Variants in CEP112 observed in about 807,000 individuals in gnomAD.
CEP112 encodes centrosomal protein of 112 kDa.
Under a neutral mutation model 153.0 loss-of-function variants are expected in CEP112, and 127 were observed. The ratio of observed to expected loss-of-function variants is 0.83; its 90% CI spans 0.72 to 0.96. The LOEUF is 0.96. CEP112 is among the 40% of genes least tolerant of loss of function. CEP112 has a pLI of 0.00. For synonymous variants in CEP112, 358 were observed against 374.4 expected (o/e 0.96, Z 0.51); for missense variants, 1,089 against 1,101.2 (o/e 0.99, Z 0.16).
intron 16 of CEP112, among the ~76,000 whole-genome samples, chr17:66,023,794 C>T (rs1568392422): frequency 6.6e-6 from 1 of 151,998 alleles, no homozygotes; most frequent in East Asian, 1.9e-4. Flanking sequence ...TGAATATTAG[C>T]CTTGAATGCA....
chr17:66,026,790 C>T (rs1447339432), intron 16 of CEP112, among the ~76,000 whole-genome samples: 1 of 152,178 alleles, frequency 6.6e-6, no homozygotes. Context: ...TTACACATCA[C>T]TTCATTCACA....
chr17:65,952,686 G>A (rs755947108), intron 18 of CEP112, among the ~76,000 whole-genome samples: 1 of 152,092 alleles, frequency 6.6e-6, no homozygotes, highest in Non-Finnish European at 1.5e-5. Context: ...AAGAAAATTG[G>A]CAGTTTTCTA....
intron 22 of CEP112, among the ~76,000 whole-genome samples, chr17:65,747,947 T>C (rs2051576607): frequency 6.6e-6 from 1 of 152,224 alleles, no homozygotes; most frequent in African/African-American, 2.4e-5. Context: ...TTTTCTTTTT[T>C]TCAGAGAGGG....
chr17:65,741,557 T>C (rs1386640597), intron 23 of CEP112, among the ~76,000 whole-genome samples: 2 of 151,356 alleles, frequency 1.3e-5, no homozygotes, highest in African/African-American at 2.4e-5. Context: ...ATTAAAACTG[T>C]AAGAATTAGT....
intron 17 of CEP112, among the ~76,000 whole-genome samples, chr17:65,990,712 G>C (rs2063563891): frequency 6.6e-6 from 1 of 152,224 alleles, no homozygotes; most frequent in South Asian, 2.1e-4. Flanking sequence ...TAGGCCATAA[G>C]GACTGCAATT....
chr17:65,998,569 GAA>G (rs1218653524), intron 17 of CEP112, among the ~76,000 whole-genome samples: 1 of 151,620 alleles, frequency 6.6e-6, no homozygotes, highest in Non-Finnish European at 1.5e-5. Flanking sequence ...CTGATGTCAG[GAA>G]AAGATTACTT....
intron 21 of CEP112, among the ~76,000 whole-genome samples, chr17:65,812,217 A>C (rs977716899): frequency 6.6e-6 from 1 of 152,094 alleles, no homozygotes; most frequent in Non-Finnish European, 1.5e-5. Context: ...GTTAGCCAGG[A>C]TGGTCTTGAT....
At chr17:66,155,617 C>G (rs375869283) in intron 4 of CEP112, among the ~76,000 whole-genome samples, 2 of 152,120 alleles carry the variant, frequency 1.3e-5, no homozygotes, top group Admixed American at 1.3e-4. Context: ...ATCCCACCCC[C>G]ACAGAGCCCA....
At chr17:65,885,775 T>A (rs1287456990) in intron 20 of CEP112, among the ~76,000 whole-genome samples, 1 of 152,224 alleles carries the variant, frequency 6.6e-6, no homozygotes, top group African/African-American at 2.4e-5. Flanking sequence ...CAGTGACAGG[T>A]ATATTGAATA....
At chr17:65,826,287 G>T (rs1174897839) in intron 21 of CEP112, 1 of 1,613,950 alleles carries the variant, frequency 6.2e-7, no homozygotes, top group African/African-American at 1.3e-5. Context: ...TCTAAACTCA[G>T]AGAAGCCCAC....
intron 18 of CEP112, among the ~76,000 whole-genome samples, chr17:65,931,571 T>A (rs10853062): frequency 0.5 from 75,304 of 151,666 alleles, 19,488 homozygotes; most frequent in East Asian, 0.89. Flanking sequence ...CTATAAACAA[T>A]GAAGGGAAAA....
At chr17:65,746,493 G>A (rs1015671588) in intron 22 of CEP112, among the ~76,000 whole-genome samples, 1 of 151,832 alleles carries the variant, frequency 6.6e-6, no homozygotes, top group Non-Finnish European at 1.5e-5. Flanking sequence ...ACTAAAATAA[G>A]GATAATTAAA....
chr17:65,842,439 G>A (rs2057554104), intron 21 of CEP112, among the ~76,000 whole-genome samples: 1 of 152,110 alleles, frequency 6.6e-6, no homozygotes, highest in Non-Finnish European at 1.5e-5. Flanking sequence ...GCAGCAGAAG[G>A]CAGAGGGAGA....
At chr17:66,174,064 G>A (rs2072360876) in intron 4 of CEP112, among the ~76,000 whole-genome samples, 2 of 152,100 alleles carry the variant, frequency 1.3e-5, no homozygotes, top group African/African-American at 4.8e-5. Flanking sequence ...GAGTAGCTGG[G>A]ACTACAGGCA....
At chr17:65,971,556 ATG>A (rs887333611) in intron 17 of CEP112, among the ~76,000 whole-genome samples, 1 of 151,874 alleles carries the variant, frequency 6.6e-6, no homozygotes, top group Non-Finnish European at 1.5e-5. Context: ...TGTATGTTAC[ATG>A]TGTGTTGTAT....
chr17:66,034,823 A>G (rs962027378), intron 12 of CEP112, among the ~76,000 whole-genome samples: 7 of 150,820 alleles, frequency 4.6e-5, no homozygotes, highest in African/African-American at 1.7e-4. Context: ...TTTTGTTTTC[A>G]CTGAGACAGA....
At chr17:65,885,448 G>A (rs1203328720) in intron 20 of CEP112, among the ~76,000 whole-genome samples, 1 of 151,936 alleles carries the variant, frequency 6.6e-6, no homozygotes, top group African/African-American at 2.4e-5. Context: ...CTATTTTAAT[G>A]CAAAACAAGT....
At chr17:65,920,084 C>T (rs2060645097) in intron 19 of CEP112, among the ~76,000 whole-genome samples, 1 of 151,864 alleles carries the variant, frequency 6.6e-6, no homozygotes, top group South Asian at 2.1e-4. Flanking sequence ...GTGGCTCACG[C>T]CTGTAATCCC....
intron 19 of CEP112, among the ~76,000 whole-genome samples, chr17:65,916,287 G>GTGTGTGTATGTATGTA (rs138734881): frequency 6.8e-6 from 1 of 147,494 alleles, no homozygotes; most frequent in Non-Finnish European, 1.5e-5. Context: ...GTGTGTGTGT[G>GTGTGTGTATGTATGTA]TGTGTATGTG....
Sources: gnomAD v4.1 joint callset for allele counts (sites outside exome capture counted in the v4.1 genomes callset) on GRCh38, gnomAD v4.1.1 for gene constraint, MANE v1.5 for transcripts, NCBI Gene and HGNC (gene_info 2026-07-23, HGNC 2026-07-21) for gene names.